The following SNORC variants were observed in gnomAD, a reference collection of about 807,000 sequenced individuals.
SNORC encodes protein SNORC.
A neutral mutation model predicts 9.7 loss-of-function variants in SNORC; 11 were observed. That is an observed-to-expected ratio of 1.14 (90% CI 0.72 to 1.88). The LOEUF (loss-of-function observed/expected upper bound fraction) is 1.88, where lower values mean the gene tolerates loss of function less well. SNORC is among the 40% of genes most tolerant of loss of function. The probability of loss-of-function intolerance (pLI) is 0.00; values close to 1 mark genes in which losing one functional copy is unlikely to be tolerated. For missense variants in SNORC, 197 were observed against 173.1 expected (o/e 1.14, Z -0.77); for synonymous variants, 108 against 88.7 (o/e 1.22, Z -1.22).
At chr2:232,875,441 A>G in intron 1 of SNORC, 1 of 379,810 alleles carries the variant, frequency 2.6e-6, no homozygotes, top group Non-Finnish European at 5.6e-6. Context: ...GAGCCGACCT[A>G]CCATCCCCAT....
intron 1 of SNORC, among the ~76,000 whole-genome samples, chr2:232,873,762 G>A (rs567097895): frequency 2.4e-4 from 36 of 152,316 alleles, no homozygotes; most frequent in Middle Eastern, 3.4e-3. Flanking sequence ...CCTTCCATGG[G>A]GACTGCAAGG....
intron 1 of SNORC, among the ~76,000 whole-genome samples, chr2:232,873,265 G>A (rs1430386858): frequency 1.3e-5 from 2 of 152,364 alleles, no homozygotes; most frequent in Non-Finnish European, 2.9e-5. Flanking sequence ...TGATTAGAAA[G>A]CTTCATGGCC....
chr2:232,875,553 CTG>C (rs1344185053), intron 1 of SNORC: 1 of 398,080 alleles, frequency 2.5e-6, no homozygotes, highest in Non-Finnish European at 5.2e-6. Context: ...GGTGGGCTGG[CTG>C]GTGAGGATAC....
chr2:232,877,030 G>A, downstream of SNORC: 2 of 985,608 alleles, frequency 2.0e-6, no homozygotes, highest in Non-Finnish European at 2.4e-6. Context: ...CAGAGGCCGC[G>A]TGGTTTTGGG....
downstream of SNORC, chr2:232,876,811 C>T: frequency 1.0e-6 from 1 of 985,458 alleles, no homozygotes; most frequent in Non-Finnish European, 1.2e-6. This position sits in a 1 kb window ranked among gnomAD's most constrained non-coding sequence, Gnocchi z 6.8. Context: ...CACGGGCGGC[C>T]CCTTCTCCCG....
At chr2:232,876,534 G>C (rs1279395930), downstream of SNORC, 14 of 1,201,872 alleles carry the variant, frequency 1.2e-5, no homozygotes, top group East Asian at 4.0e-4. This position sits in a 1 kb window ranked among gnomAD's most constrained non-coding sequence, Gnocchi z 6.8. Flanking sequence ...ACGCGCGCGG[G>C]TCCGGAGGCG....
intron 1 of SNORC, chr2:232,875,546 G>A (rs956245343): frequency 5.0e-6 from 2 of 400,016 alleles, no homozygotes. Flanking sequence ...CAACTGGGGT[G>A]GGCTGGCTGG....
At chr2:232,875,954 G>A in exon 2 of SNORC, 4 of 1,553,480 alleles carry the variant, frequency 2.6e-6, no homozygotes, top group East Asian at 2.4e-5. Flanking sequence ...TGTTCCACAG[G>A]AGCCCGTGCC....
chr2:232,868,297 A>G (rs1220870290), upstream of SNORC, among the ~76,000 whole-genome samples: 1 of 151,930 alleles, frequency 6.6e-6, no homozygotes, highest in Non-Finnish European at 1.5e-5. Flanking sequence ...GGTTTTCGCC[A>G]TGTTGGTCAG....
chr2:232,867,671 C>A (rs1285399295), upstream of SNORC, among the ~76,000 whole-genome samples: 4 of 152,272 alleles, frequency 2.6e-5, no homozygotes, highest in African/African-American at 9.6e-5. Flanking sequence ...GTCCTGCCTC[C>A]CCAGGGTGGG....
At chr2:232,876,413 C>T, downstream of SNORC, 2 of 1,470,838 alleles carry the variant, frequency 1.4e-6, no homozygotes, top group Non-Finnish European at 1.8e-6. This position sits in a 1 kb window ranked among gnomAD's most constrained non-coding sequence, Gnocchi z 6.8. Context: ...TCCTCACGCG[C>T]CTGTATGTCC....
At chr2:232,871,683 G>T (rs769057599) in intron 1 of SNORC, among the ~76,000 whole-genome samples, 3 of 152,202 alleles carry the variant, frequency 2.0e-5, no homozygotes, top group Non-Finnish European at 4.4e-5. Context: ...TTCCCAGGAT[G>T]GGGGGAAGGG....
chr2:232,871,617 GGGCGCCAGCCTCCCTTGTGGTGGAAGA>G (rs1343505138), intron 1 of SNORC, among the ~76,000 whole-genome samples: 4 of 152,240 alleles, frequency 2.6e-5, no homozygotes, highest in Non-Finnish European at 5.9e-5. Context: ...CAAGCTGGGA[GGGCGCCAGCCTCCCTTGTGGTGGAAGA>G]GGCGCCAGCC....
In SNORC at chr2:232,870,477, G is replaced by A. The variant is rs1417739006; in HGVS notation, c.73+63G>A. 8 of 1,464,784 alleles carry A rather than the reference G, an allele frequency of 5.5e-6. No individual in the cohort carries two copies. The Admixed American group carries it at 8.1e-5, about 15-fold the overall frequency. The allele number at this position is 1,464,784 out of a possible 1,614,324, so 90.7% of individuals were successfully genotyped here. A position where few individuals can be genotyped will look rare whatever the true frequency, so the allele number is the denominator to read the frequency against. On this transcript the variant is annotated intron_variant, in intron 1 of 2. Coordinates refer to ENST00000331342, the Ensembl canonical transcript of SNORC. ...CTCCCAGGGCCGATAACTACCTTGGGGCCAGATTCTTCAACGTTCACTGGG... is the reference window on the plus strand; with the variant it reads ...CTCCCAGGGCCGATAACTACCTTGGAGCCAGATTCTTCAACGTTCACTGGG...
chr2:232,870,158 G>A (rs1347398034), upstream of SNORC: 3 of 533,064 alleles, frequency 5.6e-6, no homozygotes, highest in Non-Finnish European at 1.0e-5. Flanking sequence ...GTGAGCTCTT[G>A]TGTGTGTGTG....
intron 1 of SNORC, among the ~76,000 whole-genome samples, chr2:232,870,930 A>G (rs1691004318): frequency 6.6e-6 from 1 of 152,218 alleles, no homozygotes. Context: ...ATCCCTCTGC[A>G]AAACGGTGTG....
intron 1 of SNORC, among the ~76,000 whole-genome samples, chr2:232,873,137 G>A (rs1042089887): frequency 5.3e-5 from 8 of 152,230 alleles, no homozygotes; most frequent in Admixed American, 2.0e-4. Context: ...AGCTGAAGAT[G>A]CTGGTGTTCA....
Position 232,876,149 on chromosome 2 carries a change from G to C in SNORC, c.256+27G>C, listed in dbSNP as rs1405321200. 9.4e-6 allele frequency: 10 copies of C among 1,069,510 alleles called. No homozygotes were observed. Among genetic ancestry groups the C allele is most frequent in the Non-Finnish European group, 1.3e-5 (10 of 775,090 alleles). The allele number at this position is 1,069,510 out of a possible 1,614,324, so 66.3% of individuals were successfully genotyped here. A position where few individuals can be genotyped will look rare whatever the true frequency, so the allele number is the denominator to read the frequency against. On this transcript the variant is annotated intron_variant, in intron 2 of 2. Transcript: ENST00000331342. The surrounding 1 kb of genome is among the most constrained non-coding windows in gnomAD (Gnocchi z 6.8). ...TACGGGCGGGGCGGGGGAGGGAGGG[G>C]AGAGGGAGAAATTAGGAGGGGCGGG...
At chr2:232,873,427 A>C (rs1432703359) in intron 1 of SNORC, among the ~76,000 whole-genome samples, 2 of 151,950 alleles carry the variant, frequency 1.3e-5, no homozygotes. Context: ...GGGTACCGTC[A>C]AGGGTGGCAG....
Sources: gnomAD v4.1 joint callset for allele counts (sites outside exome capture counted in the v4.1 genomes callset) on GRCh38, gnomAD v4.1.1 for gene constraint, Gnocchi (gnomAD v3.1) non-coding constraint, MANE v1.5 for transcripts, NCBI Gene and HGNC (gene_info 2026-07-23, HGNC 2026-07-21) for gene names.